Variants in AGMO observed in about 807,000 individuals in gnomAD.
AGMO encodes alkylglycerol monooxygenase.
A neutral mutation model predicts 60.2 loss-of-function variants in AGMO; 75 were observed. That is an observed-to-expected ratio of 1.25 (90% confidence interval 1.03 to 1.51). The LOEUF is 1.51. Among genes scored for constraint, AGMO ranks in the 40% most tolerant of loss-of-function variants. AGMO has a pLI of 0.00. For synonymous variants in AGMO, 261 were observed against 177.1 expected (o/e 1.47, Z -3.76); for missense variants, 763 against 525.5 (o/e 1.45, Z -4.42).
intron 12 of AGMO, among the ~76,000 whole-genome samples, chr7:15,331,177 C>T (rs1272271230): frequency 6.6e-6 from 1 of 152,094 alleles, no homozygotes; most frequent in Non-Finnish European, 1.5e-5. Flanking sequence ...CCTACTCTAG[C>T]CTTTAAATGA....
chr7:15,367,797 T>C (rs1269769880), intron 10 of AGMO, among the ~76,000 whole-genome samples: 2 of 152,088 alleles, frequency 1.3e-5, no homozygotes, highest in East Asian at 3.9e-4. Flanking sequence ...ATACAACAGA[T>C]TGGCTAAAAT....
At chr7:15,186,834 T>G in the AGMO span, among the ~76,000 whole-genome samples, 1 of 152,156 alleles carries the variant, frequency 6.6e-6, no homozygotes, top group Admixed American at 6.5e-5. Context: ...CCGGCGCACT[T>G]TGCAGATGTT....
At chr7:15,247,773 T>A (rs1305067029) in intron 12 of AGMO, among the ~76,000 whole-genome samples, 1 of 152,124 alleles carries the variant, frequency 6.6e-6, no homozygotes, top group African/African-American at 2.4e-5. Context: ...ATTTTTTCAT[T>A]GAATAAAAAA....
chr7:15,141,693 G>A, the AGMO span, among the ~76,000 whole-genome samples: 1 of 152,182 alleles, frequency 6.6e-6, no homozygotes, highest in Admixed American at 6.5e-5. Context: ...TGGAAATGCT[G>A]CAGATTTTAC....
chr7:15,546,346 G>A (rs994462402), intron 2 of AGMO, among the ~76,000 whole-genome samples: 2 of 152,122 alleles, frequency 1.3e-5, no homozygotes, highest in Non-Finnish European at 2.9e-5. Flanking sequence ...AGATTACATG[G>A]TTGGAAGAAG....
chr7:15,382,172 A>G (rs964239447), intron 10 of AGMO, among the ~76,000 whole-genome samples: 1 of 152,174 alleles, frequency 6.6e-6, no homozygotes, highest in Non-Finnish European at 1.5e-5. Context: ...TTAAAATAAA[A>G]GTTTAAAAAA....
intron 3 of AGMO, among the ~76,000 whole-genome samples, chr7:15,491,619 C>T (rs749626832): frequency 1.9e-4 from 29 of 152,224 alleles, no homozygotes; most frequent in African/African-American, 6.5e-4. Context: ...TAAAATGTAA[C>T]GACACAACCC....
intron 3 of AGMO, among the ~76,000 whole-genome samples, chr7:15,486,001 A>C (rs577712671): frequency 6.6e-6 from 1 of 152,232 alleles, no homozygotes; most frequent in Admixed American, 6.5e-5. Flanking sequence ...TGGATTAAGA[A>C]ATGTTTGTCA....
At chr7:15,398,731 T>C (rs1338249569) in intron 5 of AGMO, among the ~76,000 whole-genome samples, 1 of 152,212 alleles carries the variant, frequency 6.6e-6, no homozygotes, top group Admixed American at 6.5e-5. Context: ...TAGACATAGA[T>C]GGGTTTATTT....
At chr7:15,358,806 C>T (rs933643017) in intron 12 of AGMO, among the ~76,000 whole-genome samples, 2 of 152,148 alleles carry the variant, frequency 1.3e-5, no homozygotes, top group Non-Finnish European at 2.9e-5. Context: ...TAGGTCTGTT[C>T]TACCTGTCTT....
intron 5 of AGMO, among the ~76,000 whole-genome samples, chr7:15,398,076 T>A (rs894316003): frequency 1.3e-5 from 2 of 152,164 alleles, no homozygotes; most frequent in Non-Finnish European, 2.9e-5. Flanking sequence ...GAAAACCAGT[T>A]TACCCTTGTT....
At chr7:15,354,636 T>C (rs1183509569) in intron 12 of AGMO, among the ~76,000 whole-genome samples, 3 of 145,706 alleles carry the variant, frequency 2.1e-5, no homozygotes, top group Admixed American at 6.9e-5. Flanking sequence ...ATTCTAAAAA[T>C]ATTCATAAGG....
At chr7:15,544,377 T>G (rs964173730) in intron 3 of AGMO, among the ~76,000 whole-genome samples, 1 of 151,998 alleles carries the variant, frequency 6.6e-6, no homozygotes, top group Non-Finnish European at 1.5e-5. Flanking sequence ...CAATAAAAAA[T>G]TAAACACAAA....
chr7:15,464,088 T>A (rs1171620921), intron 3 of AGMO, among the ~76,000 whole-genome samples: 2 of 152,186 alleles, frequency 1.3e-5, no homozygotes, highest in Non-Finnish European at 2.9e-5. Context: ...ACTAGCTTGC[T>A]TGAAGAAGGT....
chr7:15,481,789 ATTTTT>A (rs5882513), intron 3 of AGMO, among the ~76,000 whole-genome samples: 2 of 98,704 alleles, frequency 2.0e-5, no homozygotes, highest in African/African-American at 3.7e-5. Context: ...GACTAAATGT[ATTTTT>A]TTTTTTTTTT....
intron 12 of AGMO, among the ~76,000 whole-genome samples, chr7:15,292,693 A>G (rs964361584): frequency 3.3e-5 from 5 of 151,312 alleles, no homozygotes; most frequent in African/African-American, 1.2e-4. Context: ...TAAGATTTCT[A>G]TCAATAGAAT....
At chr7:15,363,003 C>T (rs1193990880) in intron 12 of AGMO, among the ~76,000 whole-genome samples, 1 of 152,064 alleles carries the variant, frequency 6.6e-6, no homozygotes, top group Non-Finnish European at 1.5e-5. Flanking sequence ...GTACACCCCT[C>T]AATATTCTCA....
intron 8 of AGMO, among the ~76,000 whole-genome samples, chr7:15,387,774 T>G (rs1249665864): frequency 2.6e-5 from 4 of 152,202 alleles, no homozygotes; most frequent in Non-Finnish European, 4.4e-5. Context: ...ATTATAATTT[T>G]GAAATGTAAA....
intron 12 of AGMO, among the ~76,000 whole-genome samples, chr7:15,228,783 T>C (rs1782164715): frequency 1.3e-5 from 2 of 152,138 alleles, no homozygotes; most frequent in Admixed American, 6.6e-5. Context: ...TTCAGCCAGG[T>C]GCATTATCTG....
Sources: allele counts gnomAD v4.1 joint callset (sites outside exome capture counted in the v4.1 genomes callset), GRCh38; gene constraint gnomAD v4.1.1; transcripts MANE v1.5; gene names NCBI Gene and HGNC (gene_info 2026-07-23, HGNC 2026-07-21).